The following SLC10A7 variants were observed in gnomAD, a reference collection of about 807,000 sequenced individuals.
SLC10A7 encodes solute carrier family 10 member 7, also known as sodium/bile acid cotransporter 7.
SLC10A7 carries 29 observed loss-of-function variants against 43.2 expected under a neutral mutation model. That is an observed-to-expected ratio of 0.67 (90% CI 0.50 to 0.92). The LOEUF is 0.92. SLC10A7 is among the 40% of genes least tolerant of loss of function. The pLI is 0.00. For missense variants in SLC10A7, 295 were observed against 403.2 expected (o/e 0.73, Z 2.30); for synonymous variants, 152 against 144.8 (o/e 1.05, Z -0.35).
chr4:146,409,550 T>C (rs1011890608), intron 5 of SLC10A7, among the ~76,000 whole-genome samples: 2 of 152,106 alleles, frequency 1.3e-5, no homozygotes, highest in African/African-American at 4.8e-5. Flanking sequence ...ATAGTGGTCA[T>C]TATATATTAA....
intron 5 of SLC10A7, among the ~76,000 whole-genome samples, chr4:146,360,826 GA>G (rs1735992844): frequency 6.6e-6 from 1 of 152,098 alleles, no homozygotes. Flanking sequence ...CGTTTAGCAA[GA>G]AAGAAGTAAA....
intron 5 of SLC10A7, among the ~76,000 whole-genome samples, chr4:146,416,263 T>C (rs192393237): frequency 1.4e-4 from 22 of 152,298 alleles, no homozygotes; most frequent in Admixed American, 1.3e-3. Flanking sequence ...ATGAGAGCCA[T>C]GCCTAGTATG....
At chr4:146,402,039 T>C (rs1336662577) in intron 5 of SLC10A7, among the ~76,000 whole-genome samples, 1 of 152,102 alleles carries the variant, frequency 6.6e-6, no homozygotes, top group Non-Finnish European at 1.5e-5. Flanking sequence ...CATACCTAAT[T>C]GAGAGTGAGT....
chr4:146,459,595 G>A (rs1380640769), intron 4 of SLC10A7, among the ~76,000 whole-genome samples: 1 of 150,952 alleles, frequency 6.6e-6, no homozygotes, highest in East Asian at 1.9e-4. Context: ...TTCAATAGGT[G>A]GTAACTGGAC....
chr4:146,319,167 A>T (rs1732524420), intron 6 of SLC10A7, among the ~76,000 whole-genome samples: 1 of 152,012 alleles, frequency 6.6e-6, no homozygotes. Flanking sequence ...TTAAGGTCCT[A>T]AATCATTTGT....
chr4:146,316,512 G>C (rs562961710), intron 6 of SLC10A7, among the ~76,000 whole-genome samples: 3 of 152,124 alleles, frequency 2.0e-5, no homozygotes, highest in African/African-American at 4.8e-5. Context: ...CCAGAAAGCA[G>C]GCCTTTACCA....
chr4:146,264,763 C>G (rs1728449571), intron 10 of SLC10A7, among the ~76,000 whole-genome samples: 1 of 152,182 alleles, frequency 6.6e-6, no homozygotes, highest in African/African-American at 2.4e-5. Flanking sequence ...TTGACAAATT[C>G]TATTTGTTCT....
intron 10 of SLC10A7, among the ~76,000 whole-genome samples, chr4:146,260,967 AG>A (rs1728186810): frequency 1.3e-5 from 2 of 152,210 alleles, no homozygotes; most frequent in Admixed American, 1.3e-4. Flanking sequence ...GTGGCAAGGA[AG>A]CCATGGATTC....
intron 4 of SLC10A7, among the ~76,000 whole-genome samples, chr4:146,496,249 T>C (rs1579337525): frequency 6.6e-6 from 1 of 152,202 alleles, no homozygotes. Flanking sequence ...TCACATTAAA[T>C]GTAAGCTCCT....
chr4:146,520,448 CA>C (rs1488586341), intron 1 of SLC10A7, among the ~76,000 whole-genome samples: 2 of 152,158 alleles, frequency 1.3e-5, no homozygotes, highest in African/African-American at 2.4e-5. Context: ...TACAGAAGAA[CA>C]AAATTTTAAA....
In SLC10A7 at chr4:146,445,191, C is replaced by T. The variant is rs144518814; in HGVS notation, c.397-2370G>A. Among the ~76,000 whole-genome samples the T allele has an allele frequency of 2.1e-3, 325 of 152,290 alleles. 3 individuals carry two copies. The highest frequency in any genetic ancestry group is 6.6e-3 in the African/African-American group (273 of 41,552). On this transcript the variant is annotated intron_variant, in intron 4 of 11. Coordinates refer to ENST00000335472, the MANE Select transcript of SLC10A7 (RefSeq NM_001029998.6). ...TCCTTGCTCCCTGGCCTGAAATACC[C>T]TTCCCCCTCTTCTACTTTGGTAATT...
chr4:146,259,362 T>G (rs1313322386), intron 10 of SLC10A7, among the ~76,000 whole-genome samples: 1 of 152,238 alleles, frequency 6.6e-6, no homozygotes, highest in Non-Finnish European at 1.5e-5. Context: ...AAAGGATTTG[T>G]ATGTTCCCTT....
chr4:146,481,264 G>A (rs149586232), intron 4 of SLC10A7, among the ~76,000 whole-genome samples: 1 of 152,300 alleles, frequency 6.6e-6, no homozygotes, highest in Non-Finnish European at 1.5e-5. Context: ...TAGGCACAGT[G>A]TCATGCCTAC....
At chr4:146,411,398 A>G (rs1728184766) in intron 5 of SLC10A7, among the ~76,000 whole-genome samples, 1 of 152,202 alleles carries the variant, frequency 6.6e-6, no homozygotes, top group Admixed American at 6.5e-5. Flanking sequence ...ATTCCATATT[A>G]AATATTTTTA....
intron 5 of SLC10A7, among the ~76,000 whole-genome samples, chr4:146,346,437 A>T (rs964719866): frequency 2.0e-5 from 3 of 152,140 alleles, no homozygotes; most frequent in Middle Eastern, 3.2e-3. Context: ...GATATCTAGA[A>T]CTAGATAGTA....
At chr4:146,506,785 G>T (rs1736951316) in intron 3 of SLC10A7, among the ~76,000 whole-genome samples, 1 of 151,122 alleles carries the variant, frequency 6.6e-6, no homozygotes, top group African/African-American at 2.4e-5. Flanking sequence ...GTTTTTGCTG[G>T]CTCTCCTGCC....
chr4:146,271,042 A>G (rs1157393354), intron 10 of SLC10A7, among the ~76,000 whole-genome samples: 1 of 152,172 alleles, frequency 6.6e-6, no homozygotes, highest in Non-Finnish European at 1.5e-5. Context: ...TCATTTCATT[A>G]TTAAAATAAT....
At chr4:146,437,761 T>C (rs969621250) in intron 5 of SLC10A7, among the ~76,000 whole-genome samples, 5 of 152,060 alleles carry the variant, frequency 3.3e-5, no homozygotes, top group Non-Finnish European at 4.4e-5. Context: ...TGTTTAACAT[T>C]TGAGATTCTT....
chr4:146,379,953 CTCTCTCTGTGTGTG>C (rs1560852425), intron 5 of SLC10A7, among the ~76,000 whole-genome samples: 1 of 151,194 alleles, frequency 6.6e-6, no homozygotes, highest in African/African-American at 2.4e-5. Context: ...CTCTCTCTCT[CTCTCTCTGTGTGTG>C]TGTGTGTGTG....
Sources: gnomAD v4.1 joint callset for allele counts (sites outside exome capture counted in the v4.1 genomes callset) on GRCh38, gnomAD v4.1.1 for gene constraint, MANE v1.5 for transcripts, NCBI Gene and HGNC (gene_info 2026-07-23, HGNC 2026-07-21) for gene names.